The following NIBAN1 variants were observed in gnomAD, a reference collection of about 807,000 sequenced individuals.
The protein encoded by NIBAN1 is protein Niban 1.
A neutral mutation model predicts 75.1 loss-of-function variants in NIBAN1; 81 were observed. The ratio of observed to expected loss-of-function variants is 1.08; its 90% CI spans 0.90 to 1.30. NIBAN1 has a LOEUF of 1.30. NIBAN1 is among the 50% of genes most tolerant of loss of function. The pLI is 0.00. For synonymous variants in NIBAN1, 436 were observed against 424.8 expected, an observed-to-expected ratio of 1.03 and a Z score of -0.32; for missense variants, 1,133 against 1,128.1, an observed-to-expected ratio of 1.00 and a Z score of -0.06.
chr1:184,872,816 G>T (rs1236134117), intron 5 of NIBAN1, among the ~76,000 whole-genome samples: 1 of 152,026 alleles, frequency 6.6e-6, no homozygotes, highest in African/African-American at 2.4e-5. Context: ...GGAAATAATG[G>T]CTGAGAATTT....
intron 9 of NIBAN1, 67 bp from the exon 10 acceptor site, chr1:184,808,302 A>G (rs1571478012): frequency 6.8e-7 from 1 of 1,476,114 alleles, no homozygotes; most frequent in Non-Finnish European, 9.3e-7. Flanking sequence ...TATATATTGC[A>G]TATTACATAC....
At chr1:184,956,132 G>A (rs149529291) in intron 1 of NIBAN1, among the ~76,000 whole-genome samples, 69 of 151,874 alleles carry the variant, frequency 4.5e-4, no homozygotes, top group African/African-American at 1.4e-3. Flanking sequence ...GGGTTCCAGC[G>A]ATCTTCCTAC....
chr1:184,819,705 A>C (rs1265129439), intron 8 of NIBAN1, among the ~76,000 whole-genome samples: 1 of 152,242 alleles, frequency 6.6e-6, no homozygotes, highest in Non-Finnish European at 1.5e-5. Context: ...GGCAGGTCAC[A>C]GAGCCTTGTC....
chr1:184,809,001 A>G (rs1401014619), intron 9 of NIBAN1, among the ~76,000 whole-genome samples: 1 of 152,222 alleles, frequency 6.6e-6, no homozygotes, highest in Non-Finnish European at 1.5e-5. Context: ...TGGAGGTTTA[A>G]AATAAACAGG....
Position 184,818,699 on chromosome 1 carries a change from T to C in NIBAN1, c.1112A>G (p.Lys371Arg). The C allele has an allele frequency of 6.2e-7, 1 of 1,612,878 alleles. No homozygotes were observed. Residue 371 changes from lysine to arginine, a missense_variant, in exon 9 of 14, where the codon AAA becomes AGA. Physicochemically the swap from Lys to Arg is conservative, Grantham distance 26. Transcript: ENST00000367511. ...GFSEVRVLFE[K>R]EVNEVSQNFQ... ...GTTCTGGCTGACTTCATTCACCTCT[T>C]TCTCAAAGAGTACACGTACTTCACT...
Position 184,794,109 on chromosome 1 carries a change from T to A in NIBAN1, c.*868A>T, listed in dbSNP as rs1653767802. The A allele has an allele frequency of 6.6e-6, 1 of 152,224 alleles. No homozygotes were observed. Among genetic ancestry groups the A allele is most frequent in the Non-Finnish European group, 1.5e-5 (1 of 68,034 alleles). 9.4% of individuals were successfully genotyped at this position (152,224 alleles called of 1,614,324 possible). Reference sequence around the variant, plus strand: ...CTAGAACAAGCACTTATCTTTTCTTTTTTTTATTACTAAGCCCAACACAGT... The same window carrying A: ...CTAGAACAAGCACTTATCTTTTCTTATTTTTATTACTAAGCCCAACACAGT... On this transcript the variant is annotated 3_prime_UTR_variant, in exon 14 of 14. Coordinates refer to ENST00000367511, the MANE Select transcript of NIBAN1 (RefSeq NM_052966.4).
chr1:184,948,566 A>AT (rs1227372274), intron 1 of NIBAN1, among the ~76,000 whole-genome samples: 1 of 152,230 alleles, frequency 6.6e-6, no homozygotes, highest in Non-Finnish European at 1.5e-5. Context: ...ATATTTATGC[A>AT]TTAGGATGTT....
intron 1 of NIBAN1, among the ~76,000 whole-genome samples, chr1:184,906,870 G>T (rs1398941893): frequency 6.6e-6 from 1 of 152,082 alleles, no homozygotes; most frequent in Non-Finnish European, 1.5e-5. Flanking sequence ...ATTCTAGAAG[G>T]TTCTTCTAAA....
intron 1 of NIBAN1, among the ~76,000 whole-genome samples, chr1:184,958,813 AT>A (rs1431929494): frequency 1.3e-5 from 2 of 152,222 alleles, no homozygotes; most frequent in East Asian, 3.8e-4. Context: ...ATTGTTACTA[AT>A]TTAATTCTCC....
At chr1:184,922,805 C>A (rs988225574) in intron 1 of NIBAN1, among the ~76,000 whole-genome samples, 7 of 152,188 alleles carry the variant, frequency 4.6e-5, no homozygotes, top group Non-Finnish European at 8.8e-5. Flanking sequence ...CAGGGTTTCA[C>A]CATGTGGGTC....
chr1:184,967,043 C>A (rs2102089861), intron 1 of NIBAN1, among the ~76,000 whole-genome samples: 1 of 152,262 alleles, frequency 6.6e-6, no homozygotes, highest in African/African-American at 2.4e-5. Context: ...TGAGAAAAAA[C>A]ATACAGTACC....
chr1:184,944,942 C>T (rs1008727373), intron 1 of NIBAN1, among the ~76,000 whole-genome samples: 3 of 151,936 alleles, frequency 2.0e-5, no homozygotes, highest in African/African-American at 7.3e-5. Flanking sequence ...AATCCATGCA[C>T]CTAGATGGTA....
chr1:184,928,475 C>T lies in NIBAN1; in HGVS notation c.56-29166G>A, dbSNP rs117483197. Among the ~76,000 whole-genome samples, 51 of 152,266 alleles carry T rather than the reference C, an allele frequency of 3.3e-4. 1 individual carries two copies. In the East Asian group the frequency reaches 8.5e-3, roughly 25 times the overall value. ...TGCCTTTCAAGTGTATTTAGGACCCCAAAGTACTTTAGCTTGCCAGCACTC... is the reference window on the plus strand; with the variant it reads ...TGCCTTTCAAGTGTATTTAGGACCCTAAAGTACTTTAGCTTGCCAGCACTC... On this transcript the variant is annotated intron_variant, in intron 1 of 13. Coordinates refer to ENST00000367511, the MANE Select transcript of NIBAN1 (RefSeq NM_052966.4).
chr1:184,902,749 T>A (rs992292191), intron 1 of NIBAN1, among the ~76,000 whole-genome samples: 1 of 152,228 alleles, frequency 6.6e-6, no homozygotes, highest in African/African-American at 2.4e-5. Flanking sequence ...AAATAAAACA[T>A]CAACATTAAT....
chr1:184,928,663 C>T (rs1341443329), intron 1 of NIBAN1, among the ~76,000 whole-genome samples: 1 of 152,152 alleles, frequency 6.6e-6, no homozygotes, highest in Non-Finnish European at 1.5e-5. Flanking sequence ...CCCAAGCATA[C>T]AGATTCTGTC....
At chr1:184,906,988 G>A (rs1001615052) in intron 1 of NIBAN1, among the ~76,000 whole-genome samples, 1 of 152,126 alleles carries the variant, frequency 6.6e-6, no homozygotes, top group African/African-American at 2.4e-5. Flanking sequence ...CCAACATTCT[G>A]TGTCATCACA....
intron 1 of NIBAN1, among the ~76,000 whole-genome samples, chr1:184,921,961 GTATTA>G (rs1308970339): frequency 1.3e-5 from 2 of 152,210 alleles, no homozygotes; most frequent in African/African-American, 4.8e-5. Context: ...AATGCTTTTT[GTATTA>G]TATTATAACA....
chr1:184,829,397 T>C (rs921152066), intron 6 of NIBAN1, among the ~76,000 whole-genome samples: 2 of 151,020 alleles, frequency 1.3e-5, no homozygotes, highest in Non-Finnish European at 3.0e-5. Context: ...ACTTAGCACA[T>C]AATCAGCCTG....
chr1:184,794,698 T>G lies in NIBAN1; in HGVS notation c.*279A>C, dbSNP rs1653788374. Reference sequence around the variant, plus strand: ...TTTCTCAGTCTTCCCTGCAATACTATTCCCTCCTCAGACATCCTCAGCTCC... The same window carrying G: ...TTTCTCAGTCTTCCCTGCAATACTAGTCCCTCCTCAGACATCCTCAGCTCC... On this transcript the variant is annotated 3_prime_UTR_variant, in exon 14 of 14. Transcript: ENST00000367511. The G allele has an allele frequency of 1.9e-6, 1 of 519,088 alleles. No homozygotes were observed. The highest frequency in any genetic ancestry group is 2.1e-5 in the South Asian group (1 of 48,660). The allele number at this position is 519,088 out of a possible 1,614,324, so 32.2% of individuals were successfully genotyped here. A position where few individuals can be genotyped will look rare whatever the true frequency, so the allele number is the denominator to read the frequency against.
Sources: allele counts gnomAD v4.1 joint callset (sites outside exome capture counted in the v4.1 genomes callset), GRCh38; gene constraint gnomAD v4.1.1; transcripts MANE v1.5; gene names NCBI Gene and HGNC (gene_info 2026-07-23, HGNC 2026-07-21).